Variants in TAFA1 observed in about 807,000 individuals in gnomAD.
TAFA1 encodes chemokine-like protein TAFA-1.
TAFA1 carries 4 observed loss-of-function variants against 18.5 expected under a neutral mutation model. That is an observed-to-expected ratio of 0.22 (90% CI 0.11 to 0.49). The LOEUF (loss-of-function observed/expected upper bound fraction) is 0.49, where lower values mean the gene tolerates loss of function less well. Among genes scored for constraint, TAFA1 ranks in the 20% least tolerant of loss-of-function variants. The probability of loss-of-function intolerance (pLI) is 0.98; values close to 1 mark genes in which losing one functional copy is unlikely to be tolerated. For synonymous variants in TAFA1, 56 were observed against 55.2 expected (o/e 1.01, Z -0.06); for missense variants, 147 against 169.0 (o/e 0.87, Z 0.72).
intron 4 of TAFA1, among the ~76,000 whole-genome samples, chr3:68,539,337 A>G (rs1227828027): frequency 1.3e-5 from 2 of 152,046 alleles, no homozygotes; most frequent in African/African-American, 4.8e-5. Flanking sequence ...GGTTTTGGGG[A>G]GTGAATACAT....
intron 2 of TAFA1, among the ~76,000 whole-genome samples, chr3:68,055,376 T>G (rs2064523545): frequency 6.6e-6 from 1 of 152,098 alleles, no homozygotes; most frequent in African/African-American, 2.4e-5. Context: ...ATCAATAAAC[T>G]CCATTACCCA....
intron 3 of TAFA1, among the ~76,000 whole-genome samples, chr3:68,466,621 C>G (rs900208052): frequency 6.6e-6 from 1 of 152,124 alleles, no homozygotes; most frequent in East Asian, 1.9e-4. Context: ...ACACTCCCAT[C>G]CTAATGTTGA....
intron 2 of TAFA1, among the ~76,000 whole-genome samples, chr3:68,245,314 G>T (rs1268969783): frequency 6.6e-6 from 1 of 152,170 alleles, no homozygotes; most frequent in East Asian, 1.9e-4. Flanking sequence ...TTCTTCCAAA[G>T]CTGTGTTGAT....
chr3:68,365,424 A>T (rs2069548207), intron 2 of TAFA1, among the ~76,000 whole-genome samples: 1 of 152,224 alleles, frequency 6.6e-6, no homozygotes, highest in African/African-American at 2.4e-5. Context: ...AGATATTTAT[A>T]GAACTTCCAA....
intron 2 of TAFA1, among the ~76,000 whole-genome samples, chr3:68,261,277 G>A (rs988937919): frequency 2.0e-5 from 3 of 152,182 alleles, no homozygotes; most frequent in Admixed American, 6.5e-5. Flanking sequence ...AGGTGCTGGA[G>A]AGGATGTGGA....
chr3:68,483,169 C>G (rs1297243283), intron 3 of TAFA1, among the ~76,000 whole-genome samples: 1 of 152,090 alleles, frequency 6.6e-6, no homozygotes, highest in Non-Finnish European at 1.5e-5. Context: ...AGGAAGTAAC[C>G]CAGCACACAC....
At chr3:68,294,648 G>A (rs9864476) in intron 2 of TAFA1, among the ~76,000 whole-genome samples, 5,626 of 152,216 alleles carry the variant, frequency 0.037, 337 homozygotes, top group African/African-American at 0.13. Flanking sequence ...ACTTTGGGAG[G>A]CTGAGATGGG....
chr3:68,476,365 C>T (rs1384409122), intron 3 of TAFA1, among the ~76,000 whole-genome samples: 10 of 152,192 alleles, frequency 6.6e-5, no homozygotes, highest in Admixed American at 3.9e-4. Context: ...TGCTCGGGAC[C>T]TGTCCTGTTT....
intron 2 of TAFA1, among the ~76,000 whole-genome samples, chr3:68,061,184 C>T (rs1157767947): frequency 1.3e-5 from 2 of 152,172 alleles, no homozygotes; most frequent in Non-Finnish European, 2.9e-5. Flanking sequence ...CTGTCTCTCT[C>T]ATTGATGCTA....
intron 2 of TAFA1, among the ~76,000 whole-genome samples, chr3:68,230,050 A>C (rs1371806044): frequency 6.6e-6 from 1 of 152,196 alleles, no homozygotes; most frequent in Non-Finnish European, 1.5e-5. Flanking sequence ...GCATGCAGTA[A>C]GTAATGATCC....
chr3:68,529,490 G>T lies in TAFA1; in HGVS notation c.260-9266G>T, dbSNP rs1022182. On this transcript the variant is annotated intron_variant, in intron 3 of 4. Coordinates refer to ENST00000478136, the MANE Select transcript of TAFA1 (RefSeq NM_213609.4). ...AAGAACACAAGCTGCTTGCTTTCAA[G>T]AACTTCCATAGTCTTATTAAGCCTT... 7.6e-5 allele frequency among the ~76,000 whole-genome samples: 9 copies of T among 118,804 alleles called. No homozygotes were observed. In the South Asian group the frequency reaches 2.3e-3, roughly 30 times the overall value. The allele number at this position is 118,804 out of a possible 152,430, so 77.9% of individuals were successfully genotyped here.
At chr3:68,293,655 C>T (rs909267923) in intron 2 of TAFA1, among the ~76,000 whole-genome samples, 1 of 152,202 alleles carries the variant, frequency 6.6e-6, no homozygotes, top group Non-Finnish European at 1.5e-5. Flanking sequence ...GTGCCTGGCA[C>T]ATGTGCTTGA....
At chr3:68,023,812 G>T (rs971054884) in intron 2 of TAFA1, among the ~76,000 whole-genome samples, 1 of 152,124 alleles carries the variant, frequency 6.6e-6, no homozygotes, top group Non-Finnish European at 1.5e-5. Context: ...ACTTTTGAAT[G>T]AATTGTCATA....
intron 2 of TAFA1, among the ~76,000 whole-genome samples, chr3:68,222,428 A>C (rs2066742314): frequency 1.3e-5 from 2 of 152,096 alleles, no homozygotes; most frequent in Admixed American, 1.3e-4. Context: ...GAAGAGTGAG[A>C]CCATTTTTCT....
chr3:68,219,364 A>G (rs1348599191), intron 2 of TAFA1, among the ~76,000 whole-genome samples: 1 of 152,172 alleles, frequency 6.6e-6, no homozygotes, highest in African/African-American at 2.4e-5. Context: ...ATTGAACTGA[A>G]TATCAAAATA....
At chr3:68,117,366 T>C (rs1416895192) in intron 2 of TAFA1, among the ~76,000 whole-genome samples, 1 of 152,204 alleles carries the variant, frequency 6.6e-6, no homozygotes, top group African/African-American at 2.4e-5. Context: ...GGCAACAGTG[T>C]ATCAGATTAC....
intron 2 of TAFA1, among the ~76,000 whole-genome samples, chr3:68,208,154 G>A (rs2066549754): frequency 6.6e-6 from 1 of 152,028 alleles, no homozygotes; most frequent in African/African-American, 2.4e-5. Context: ...GCTGTATGAA[G>A]GATATGGACG....
intron 2 of TAFA1, among the ~76,000 whole-genome samples, chr3:68,370,468 G>GTGTATATATATATATATATATA (rs2069674152): frequency 2.4e-4 from 4 of 16,624 alleles, no homozygotes; most frequent in East Asian, 3.1e-3. Flanking sequence ...GTGTGTGTGT[G>GTGTATATATATATATATATATA]TGTGTATATA....
intron 2 of TAFA1, among the ~76,000 whole-genome samples, chr3:68,060,558 G>C (rs1002618438): frequency 1.3e-5 from 2 of 152,200 alleles, no homozygotes; most frequent in African/African-American, 4.8e-5. Context: ...CAGCAAATGA[G>C]ATGGTGGGTC....
Sources: allele counts gnomAD v4.1 joint callset (sites outside exome capture counted in the v4.1 genomes callset), GRCh38; gene constraint gnomAD v4.1.1; transcripts MANE v1.5; gene names NCBI Gene and HGNC (gene_info 2026-07-23, HGNC 2026-07-21).